The following RNF13 variants were observed in gnomAD, a reference collection of about 807,000 sequenced individuals.
The protein encoded by RNF13 is ring finger protein 13, also known as E3 ubiquitin-protein ligase RNF13.
A neutral mutation model predicts 37.7 loss-of-function variants in RNF13; 19 were observed. That is an observed-to-expected ratio of 0.50 (90% CI 0.35 to 0.74). The LOEUF is 0.74. RNF13 is among the 30% of genes least tolerant of loss of function. RNF13 has a pLI of 0.01. For synonymous variants in RNF13, 144 were observed against 157.8 expected, an observed-to-expected ratio of 0.91 and a Z score of 0.65; for missense variants, 375 against 453.0, an observed-to-expected ratio of 0.83 and a Z score of 1.56.
At chr3:149,825,314 C>A (rs985917044) in intron 1 of RNF13, among the ~76,000 whole-genome samples, 2 of 152,094 alleles carry the variant, frequency 1.3e-5, no homozygotes, top group African/African-American at 4.8e-5. Flanking sequence ...ATTACAGGCA[C>A]CACCACGCCT....
chr3:149,908,954 T>C (rs1716700235), intron 6 of RNF13, among the ~76,000 whole-genome samples: 1 of 152,172 alleles, frequency 6.6e-6, no homozygotes, highest in African/African-American at 2.4e-5. Flanking sequence ...AGTGATCAAA[T>C]CTTAGCTGCA....
chr3:149,894,824 T>A (rs577554237), intron 4 of RNF13, among the ~76,000 whole-genome samples: 12 of 152,254 alleles, frequency 7.9e-5, no homozygotes, highest in African/African-American at 2.9e-4. Context: ...TATTTTTACT[T>A]ATAACAGAAT....
chr3:149,932,434 A>T (rs2108560151), intron 8 of RNF13, among the ~76,000 whole-genome samples: 1 of 152,248 alleles, frequency 6.6e-6, no homozygotes, highest in African/African-American at 2.4e-5. Context: ...CCAAAGTCTA[A>T]AGTCTTATCT....
At chr3:149,829,851 G>A (rs147033079) in intron 1 of RNF13, among the ~76,000 whole-genome samples, 100 of 152,182 alleles carry the variant, frequency 6.6e-4, no homozygotes, top group African/African-American at 1.8e-3. Context: ...TGGGAGGGAC[G>A]TGGTGGGAGG....
intron 7 of RNF13, among the ~76,000 whole-genome samples, chr3:149,919,724 A>T (rs186320734): frequency 5.3e-5 from 8 of 152,176 alleles, no homozygotes; most frequent in Non-Finnish European, 1.2e-4. Flanking sequence ...TGTTGTATGG[A>T]AATATGCTTT....
At chr3:149,903,997 A>G (rs1023645577) in intron 6 of RNF13, among the ~76,000 whole-genome samples, 1 of 151,694 alleles carries the variant, frequency 6.6e-6, no homozygotes, top group Non-Finnish European at 1.5e-5. Flanking sequence ...CTACCTACCT[A>G]TACCTATCAT....
At chr3:149,874,770 A>C (rs916222004) in intron 4 of RNF13, among the ~76,000 whole-genome samples, 1 of 152,168 alleles carries the variant, frequency 6.6e-6, no homozygotes, top group South Asian at 2.1e-4. Context: ...TGGATCACCT[A>C]TCAAGGTAGT....
intron 4 of RNF13, among the ~76,000 whole-genome samples, chr3:149,879,411 CGA>C (rs1713122257): frequency 6.7e-6 from 1 of 150,318 alleles, no homozygotes. Context: ...GGGGCTCAGG[CGA>C]TCCTTCCACC....
At chr3:149,876,377 C>G (rs1384275082) in intron 4 of RNF13, among the ~76,000 whole-genome samples, 1 of 152,164 alleles carries the variant, frequency 6.6e-6, no homozygotes, top group Non-Finnish European at 1.5e-5. Flanking sequence ...TCCCACACCC[C>G]CTTTTTTGTG....
intron 8 of RNF13, among the ~76,000 whole-genome samples, chr3:149,940,190 G>A (rs1720113138): frequency 6.6e-6 from 1 of 151,944 alleles, no homozygotes; most frequent in South Asian, 2.1e-4. Context: ...ATGTGTGTAT[G>A]TATTTTCTTT....
At chr3:149,884,570 A>T (rs910180273) in intron 4 of RNF13, among the ~76,000 whole-genome samples, 2 of 151,800 alleles carry the variant, frequency 1.3e-5, no homozygotes, top group Non-Finnish European at 2.9e-5. Flanking sequence ...TTAGCCAAAG[A>T]CCTAAAGGGA....
At chr3:149,931,821 G>T (rs1287541153) in intron 8 of RNF13, among the ~76,000 whole-genome samples, 1 of 152,118 alleles carries the variant, frequency 6.6e-6, no homozygotes, top group Admixed American at 6.6e-5. Flanking sequence ...GTAGCCAGTA[G>T]CCAGCCTCCC....
chr3:149,850,575 A>G (rs1723039212), intron 2 of RNF13, among the ~76,000 whole-genome samples: 1 of 152,264 alleles, frequency 6.6e-6, no homozygotes, highest in South Asian at 2.1e-4. Flanking sequence ...TTTAGCTATA[A>G]TAGTGAAACT....
intron 6 of RNF13, among the ~76,000 whole-genome samples, chr3:149,910,814 C>T (rs1211890355): frequency 1.3e-5 from 2 of 152,176 alleles, no homozygotes; most frequent in African/African-American, 4.8e-5. Flanking sequence ...ATTATACAAA[C>T]TCTTCCCTAA....
chr3:149,901,554 T>C (rs1013727349), intron 5 of RNF13, among the ~76,000 whole-genome samples: 1 of 152,218 alleles, frequency 6.6e-6, no homozygotes, highest in Non-Finnish European at 1.5e-5. Context: ...CCTGCCCTAT[T>C]CCCTTTCTCA....
At chr3:149,866,130 T>A (rs191465031) in intron 3 of RNF13, among the ~76,000 whole-genome samples, 12 of 152,148 alleles carry the variant, frequency 7.9e-5, no homozygotes, top group Non-Finnish European at 1.5e-4. Context: ...AGGAAAGGGA[T>A]CCTGATCCAG....
intron 5 of RNF13, among the ~76,000 whole-genome samples, chr3:149,897,966 A>G (rs550290714): frequency 6.6e-6 from 1 of 152,354 alleles, no homozygotes; most frequent in Non-Finnish European, 1.5e-5. Flanking sequence ...GAGACAGCAG[A>G]AAGTGGTAGG....
At chr3:149,858,611 T>C (rs1723894802) in intron 3 of RNF13, among the ~76,000 whole-genome samples, 1 of 152,240 alleles carries the variant, frequency 6.6e-6, no homozygotes, top group South Asian at 2.1e-4. Flanking sequence ...CCATATATAC[T>C]GTGTTTTGTA....
In RNF13 at chr3:149,824,431, A is replaced by C. The variant is rs78538756; in HGVS notation, c.-17+11078A>C. Among the ~76,000 whole-genome samples, 6 of 152,338 alleles carry C rather than the reference A, an allele frequency of 3.9e-5. No homozygotes were observed. The South Asian group carries it at 1.2e-3, about 32-fold the overall frequency. ...GAGGGAGGCAGAAGAGGAGTTTGGA[A>C]TAATGTGCTATAAGAAGGAATTAAT... On this transcript the variant is annotated intron_variant, in intron 1 of 9. Transcript: ENST00000392894.
Sources: allele counts gnomAD v4.1 joint callset (sites outside exome capture counted in the v4.1 genomes callset), GRCh38; gene constraint gnomAD v4.1.1; transcripts MANE v1.5; gene names NCBI Gene and HGNC (gene_info 2026-07-23, HGNC 2026-07-21).